DLGAP1: variants seen among roughly 807,000 people sequenced by gnomAD.
DLGAP1 encodes disks large-associated protein 1.
Under a neutral mutation model 90.8 loss-of-function variants are expected in DLGAP1, and 11 were observed. The ratio of observed to expected loss-of-function variants is 0.12; its 90% CI spans 0.08 to 0.20. DLGAP1 has a LOEUF of 0.20. Among genes scored for constraint, DLGAP1 ranks in the 10% least tolerant of loss-of-function variants. DLGAP1 has a pLI of 1.00. For synonymous variants in DLGAP1, 558 were observed against 540.7 expected (o/e 1.03, Z -0.44); for missense variants, 1,050 against 1,333.8 (o/e 0.79, Z 3.31).
chr18:4,388,069 G>C (rs1419519779), intron 1 of DLGAP1, among the ~76,000 whole-genome samples: 2 of 152,020 alleles, frequency 1.3e-5, no homozygotes, highest in South Asian at 2.1e-4. Context: ...GAAGAATCGG[G>C]GTCAGCAGTG....
intron 3 of DLGAP1, among the ~76,000 whole-genome samples, chr18:3,955,714 C>CAAAA (rs1201869271): frequency 8.1e-6 from 1 of 123,728 alleles, no homozygotes. Flanking sequence ...AACTCCGTCT[C>CAAAA]AAAAAAAAAA....
intron 1 of DLGAP1, among the ~76,000 whole-genome samples, chr18:4,166,317 T>C (rs2076932526): frequency 6.6e-6 from 1 of 152,086 alleles, no homozygotes; most frequent in African/African-American, 2.4e-5. Context: ...AAAACCACAA[T>C]GAGTTACTAC....
At chr18:4,087,091 ATGTATATATGTGC>A (rs2075696589) in intron 2 of DLGAP1, among the ~76,000 whole-genome samples, 1 of 82,678 alleles carries the variant, frequency 1.2e-5, no homozygotes, top group African/African-American at 4.7e-5. Context: ...ATATGTATAT[ATGTATATATGTGC>A]TATATATATA....
intron 5 of DLGAP1, among the ~76,000 whole-genome samples, chr18:3,749,368 A>G (rs142319010): frequency 0.034 from 5,123 of 151,670 alleles, 215 homozygotes; most frequent in African/African-American, 0.088. Flanking sequence ...GGTCAGGCTG[A>G]TCTTGAACTC....
At chr18:4,314,665 T>C (rs928661836) in intron 1 of DLGAP1, among the ~76,000 whole-genome samples, 1 of 152,208 alleles carries the variant, frequency 6.6e-6, no homozygotes, top group Non-Finnish European at 1.5e-5. Context: ...CCTAGGCCAG[T>C]GCCTAAAGGA....
chr18:3,632,792 T>G (rs2058572021), intron 7 of DLGAP1, among the ~76,000 whole-genome samples: 1 of 152,172 alleles, frequency 6.6e-6, no homozygotes, highest in African/African-American at 2.4e-5. Flanking sequence ...TTGAAATATA[T>G]CATTCATGGC....
chr18:3,619,927 C>T (rs1039636812), intron 7 of DLGAP1, among the ~76,000 whole-genome samples: 3 of 151,808 alleles, frequency 2.0e-5, no homozygotes, highest in African/African-American at 7.3e-5. Context: ...AGGGATCCTC[C>T]CACCTCAGCC....
intron 5 of DLGAP1, among the ~76,000 whole-genome samples, chr18:3,743,702 G>A (rs892189354): frequency 3.3e-5 from 5 of 152,026 alleles, no homozygotes; most frequent in Admixed American, 6.6e-5. Context: ...CCAGGCTGGA[G>A]TGCAGTGGCA....
At chr18:4,098,103 G>A (rs1221370479) in intron 2 of DLGAP1, among the ~76,000 whole-genome samples, 1 of 152,126 alleles carries the variant, frequency 6.6e-6, no homozygotes, top group Non-Finnish European at 1.5e-5. Flanking sequence ...TTGTAGAGAC[G>A]GGATTTTGCC....
chr18:3,669,698 C>T (rs578136149), intron 7 of DLGAP1, among the ~76,000 whole-genome samples: 2 of 152,310 alleles, frequency 1.3e-5, no homozygotes, highest in African/African-American at 2.4e-5. Flanking sequence ...TTCTGGCTTC[C>T]TCAATGGCTG....
At chr18:3,938,360 C>A (rs1285247115) in intron 3 of DLGAP1, among the ~76,000 whole-genome samples, 1 of 151,986 alleles carries the variant, frequency 6.6e-6, no homozygotes, top group Admixed American at 6.6e-5. Flanking sequence ...AAAGAAGGGC[C>A]TGGGGAGAAG....
chr18:3,905,486 T>C lies in DLGAP1; in HGVS notation c.-72-25346A>G, dbSNP rs1156657068. On this transcript the variant is annotated intron_variant, in intron 3 of 12. Transcript: ENST00000315677. ...ATCAATACCATTTCCGTACAAAAAT[T>C]TGTTTATAATTACCAACTTGAGGGG... Among the ~76,000 whole-genome samples the C allele has an allele frequency of 3.3e-5, 5 of 151,796 alleles. No homozygotes were observed. The East Asian group carries it at 9.6e-4, about 29-fold the overall frequency.
chr18:4,317,099 A>G (rs955479634), intron 1 of DLGAP1, among the ~76,000 whole-genome samples: 30 of 152,190 alleles, frequency 2.0e-4, no homozygotes, highest in Admixed American at 8.5e-4. Context: ...TCAGGTTTTA[A>G]TATTTCCACG....
chr18:4,106,156 A>G (rs2075863847), intron 2 of DLGAP1, among the ~76,000 whole-genome samples: 2 of 151,994 alleles, frequency 1.3e-5, no homozygotes. Context: ...TAGCTCAGAG[A>G]CAATACATGG....
intron 1 of DLGAP1, among the ~76,000 whole-genome samples, chr18:4,165,265 T>C (rs913695418): frequency 1.3e-5 from 2 of 152,172 alleles, no homozygotes; most frequent in African/African-American, 2.4e-5. Context: ...AGGCAGCAAT[T>C]TGAATAACAG....
chr18:3,523,250 G>C (rs2051333340), intron 10 of DLGAP1, among the ~76,000 whole-genome samples: 1 of 151,842 alleles, frequency 6.6e-6, no homozygotes, highest in South Asian at 2.1e-4. Context: ...GGTGGTGCAT[G>C]CCTGTAATCC....
Position 3,534,494 on chromosome 18 carries a change from C to T in DLGAP1, c.2179G>A (p.Ala727Thr). 1 of 1,614,182 alleles carries T rather than the reference C, an allele frequency of 6.2e-7. No homozygotes were observed. Among genetic ancestry groups the T allele is most frequent in the Non-Finnish European group, 8.5e-7 (1 of 1,180,030 alleles). ...IEDNSCPGPMARQFSRDASTS... is the reference protein window; with the variant it reads ...IEDNSCPGPMTRQFSRDASTS... The stretch of plus-strand genomic sequence containing the variant: ...CTGGCATCGCGGGAGAACTGTCTGG[C>T]CATGGGGCCAGGACACGAATTGTCC... Residue 727 changes from alanine to threonine, a missense_variant, in exon 10 of 13, where the codon GCC (alanine) becomes ACC (threonine). Physicochemically the swap from Ala to Thr is moderately conservative, Grantham distance 58 (BLOSUM62 0). This residue lies in a region of DLGAP1 where 565 missense variants were observed against 879.7 expected (regional missense o/e 0.64). Coordinates refer to ENST00000315677, the MANE Select transcript of DLGAP1 (RefSeq NM_004746.4).
intron 1 of DLGAP1, among the ~76,000 whole-genome samples, chr18:4,428,706 T>G (rs2083211776): frequency 6.6e-6 from 1 of 152,304 alleles, no homozygotes; most frequent in East Asian, 1.9e-4. Context: ...GAGGCAGATG[T>G]TGCCATGCTT....
intron 1 of DLGAP1, among the ~76,000 whole-genome samples, chr18:4,351,520 TTC>T (rs1302611299): frequency 6.6e-6 from 1 of 152,202 alleles, no homozygotes; most frequent in African/African-American, 2.4e-5. Flanking sequence ...GTGACTTAAT[TTC>T]TGTTTCTAAT....
Sources: gnomAD v4.1 joint callset for allele counts (sites outside exome capture counted in the v4.1 genomes callset) on GRCh38, gnomAD v4.1.1 for gene constraint, gnomAD v4.1.1 regional missense constraint, MANE v1.5 for transcripts, NCBI Gene and HGNC (gene_info 2026-07-23, HGNC 2026-07-21) for gene names.